THSD4: variants seen among roughly 807,000 people sequenced by gnomAD.
THSD4 encodes the protein thrombospondin type 1 domain containing 4, also known as thrombospondin type-1 domain-containing protein 4.
THSD4 carries 69 observed loss-of-function variants against 119.0 expected under a neutral mutation model. That is an observed-to-expected ratio of 0.58 (90% CI 0.48 to 0.71). THSD4 has a LOEUF of 0.71. Ranked by LOEUF, THSD4 falls within the 30% of genes least tolerant of loss-of-function variation. THSD4 has a pLI of 0.00. For missense variants in THSD4, 1,393 were observed against 1,391.1 expected, an observed-to-expected ratio of 1.00 and a Z score of -0.02; for synonymous variants, 524 against 540.4, an observed-to-expected ratio of 0.97 and a Z score of 0.42.
chr15:71,767,048 G>A lies in THSD4; in HGVS notation c.2769+1849G>A, dbSNP rs540292236. 7 of 152,262 alleles carry A rather than the reference G, an allele frequency of 4.6e-5. No individual in the cohort carries two copies. In the East Asian group the frequency reaches 9.6e-4, roughly 21 times the overall value. 9.4% of individuals were successfully genotyped at this position (152,262 alleles called of 1,614,324 possible). A position where few individuals can be genotyped will look rare whatever the true frequency, so the allele number is the denominator to read the frequency against. ...TTTGTCTGCAATGAAAATATTTCGT[G>A]TCTTGTTTGCGGTAGGAGATACACA... is the stretch of plus-strand genomic sequence containing the variant. On this transcript the variant is annotated intron_variant, in intron 16 of 17. Transcript: ENST00000261862.
chr15:71,703,902 T>A (rs541575373), intron 8 of THSD4, among the ~76,000 whole-genome samples: 8 of 152,262 alleles, frequency 5.3e-5, no homozygotes, highest in Admixed American at 4.6e-4. Context: ...CAGGCTGGAG[T>A]GCAGTGGCGC....
chr15:71,530,718 C>T (rs2048595630), intron 7 of THSD4, among the ~76,000 whole-genome samples: 2 of 151,970 alleles, frequency 1.3e-5, no homozygotes, highest in African/African-American at 4.8e-5. Flanking sequence ...GAGATGTATC[C>T]CTTAGGGTCA....
At chr15:71,366,658 A>G (rs1465839074) in intron 6 of THSD4, among the ~76,000 whole-genome samples, 2 of 152,176 alleles carry the variant, frequency 1.3e-5, no homozygotes. Flanking sequence ...GGGATTTCAA[A>G]TCAATGCAGT....
chr15:71,455,925 G>A lies in THSD4; in HGVS notation c.1152+44102G>A, dbSNP rs1004957649. ...CAACAGAGGCCATTGATCCTGCCCC[G>A]TTGAGGTCAGTTTCCTCTCTTTCTG... On this transcript the variant is annotated intron_variant, in intron 7 of 17. Transcript: ENST00000261862. Among the ~76,000 whole-genome samples the A allele has an allele frequency of 1.2e-4, 19 of 152,250 alleles. No individual in the cohort carries two copies. The South Asian group carries it at 3.5e-3, about 28-fold the overall frequency.
chr15:71,502,644 C>T (rs1237863244), intron 7 of THSD4, among the ~76,000 whole-genome samples: 8 of 152,084 alleles, frequency 5.3e-5, no homozygotes, highest in East Asian at 1.9e-4. Context: ...ACATAAAAGA[C>T]GCAAAACAGT....
intron 7 of THSD4, among the ~76,000 whole-genome samples, chr15:71,605,584 G>A (rs1302479698): frequency 1.3e-5 from 2 of 152,232 alleles, no homozygotes; most frequent in African/African-American, 2.4e-5. Context: ...CAAACCTTCA[G>A]CCTGAACAGG....
At chr15:71,486,833 C>T (rs1335290810) in intron 7 of THSD4, among the ~76,000 whole-genome samples, 1 of 152,048 alleles carries the variant, frequency 6.6e-6, no homozygotes, top group African/African-American at 2.4e-5. Context: ...CTGGAGCTAA[C>T]CCCCTGGCTC....
At chr15:71,280,148 A>T (rs1442585011) in intron 6 of THSD4, among the ~76,000 whole-genome samples, 1 of 152,208 alleles carries the variant, frequency 6.6e-6, no homozygotes, top group African/African-American at 2.4e-5. Flanking sequence ...AGAGGGAACC[A>T]CAGAAGCAAA....
At position 71,242,847 on chromosome 15, in the gene THSD4, T is replaced by C. The variant is rs766552435; in HGVS notation, c.663T>C (p.His221=). The part of the protein sequence containing the change: ...YSSPAHQVPQ[H]GPLYQSDSGP... ...CACCAGCCCACCAGGTCCCCCAACA[T>C]GGGCCTTTGTACCAAAGTGACAGTG... The change falls in exon 5 of 18, where the codon CAT becomes CAC. Residue 221 remains histidine, a synonymous_variant. Transcript: ENST00000261862. 1 of 1,614,206 alleles carries C rather than the reference T, an allele frequency of 6.2e-7. No homozygotes were observed. The highest frequency in any genetic ancestry group is 2.2e-5 in the East Asian group (1 of 44,888).
intron 9 of THSD4, 198 bp downstream of exon 9, chr15:71,728,922 C>G (rs760071277): frequency 1.2e-5 from 8 of 641,150 alleles, no homozygotes; most frequent in African/African-American, 1.8e-5. Flanking sequence ...TCACAGCAAC[C>G]TCCAACTCCA....
chr15:71,711,108 T>A (rs1292873032), intron 8 of THSD4, among the ~76,000 whole-genome samples: 1 of 149,316 alleles, frequency 6.7e-6, no homozygotes, highest in Non-Finnish European at 1.5e-5. Context: ...TATATATATA[T>A]AACATTGGGA....
At chr15:71,504,671 TA>T (rs2048162254) in intron 7 of THSD4, among the ~76,000 whole-genome samples, 1 of 152,250 alleles carries the variant, frequency 6.6e-6, no homozygotes. Context: ...AGAGTTCCTG[TA>T]CCCCTTAGCC....
chr15:71,564,553 C>T (rs1051902419), intron 7 of THSD4, among the ~76,000 whole-genome samples: 5 of 150,076 alleles, frequency 3.3e-5, no homozygotes, highest in Non-Finnish European at 7.4e-5. Context: ...TACCCAAAAC[C>T]CTTGAGACTC....
intron 7 of THSD4, among the ~76,000 whole-genome samples, chr15:71,561,174 C>T (rs2049110602): frequency 1.3e-5 from 2 of 151,896 alleles, no homozygotes; most frequent in Non-Finnish European, 2.9e-5. Flanking sequence ...CGGAGTTTCA[C>T]CGTGTTAGCC....
intron 5 of THSD4, among the ~76,000 whole-genome samples, chr15:71,255,999 T>C (rs748887535): frequency 1.3e-5 from 2 of 150,724 alleles, no homozygotes; most frequent in African/African-American, 2.4e-5. Context: ...TTTAGATCAG[T>C]GGTTTTCAAA....
Position 71,771,189 on chromosome 15 carries a change from G to A in THSD4, c.2895G>A (p.Gln965=), listed in dbSNP as rs868747708. 6.2e-7 allele frequency: 1 copy of A among 1,614,000 alleles called. No individual in the cohort carries two copies. The highest frequency in any genetic ancestry group is 8.5e-7 in the Non-Finnish European group (1 of 1,179,982). The change falls in exon 17 of 18, where the codon CAG becomes CAA. Residue 965 remains glutamine, a synonymous_variant. Transcript: ENST00000261862. ...KPEERESCNP[Q]DCVPEVDENC... The stretch of plus-strand genomic sequence containing the variant: ...AAGAGAGAGAATCTTGTAACCCTCA[G>A]GACTGTGTCCCTGAAGTTGGTAAGT...
chr15:71,291,259 T>C (rs1466230431), intron 6 of THSD4, among the ~76,000 whole-genome samples: 1 of 152,234 alleles, frequency 6.6e-6, no homozygotes, highest in Non-Finnish European at 1.5e-5. Context: ...TTTCTAAACA[T>C]TTCTATATAT....
chr15:71,304,255 G>A (rs181059227), intron 6 of THSD4, among the ~76,000 whole-genome samples: 1 of 152,168 alleles, frequency 6.6e-6, no homozygotes, highest in East Asian at 2.0e-4. Flanking sequence ...CTGGGCCTTT[G>A]CTCAGGGCTG....
At chr15:71,386,511 A>G (rs543468677) in intron 6 of THSD4, among the ~76,000 whole-genome samples, 1 of 152,244 alleles carries the variant, frequency 6.6e-6, no homozygotes. Context: ...AAAGGGGCAT[A>G]TATTTTCAAT....
Sources: allele counts gnomAD v4.1 joint callset (sites outside exome capture counted in the v4.1 genomes callset), GRCh38; gene constraint gnomAD v4.1.1; transcripts MANE v1.5; gene names NCBI Gene and HGNC (gene_info 2026-07-23, HGNC 2026-07-21).